The following HPGDS variants were observed in gnomAD, a reference collection of about 807,000 sequenced individuals.
HPGDS encodes hematopoietic prostaglandin D synthase, also known as GST class-sigma.
A neutral mutation model predicts 23.1 loss-of-function variants in HPGDS; 26 were observed. The ratio of observed to expected loss-of-function variants is 1.13; its 90% CI spans 0.83 to 1.56. HPGDS has a LOEUF of 1.56. HPGDS is among the 40% of genes most tolerant of loss of function. The pLI is 0.00. For synonymous variants in HPGDS, 95 were observed against 77.9 expected, an observed-to-expected ratio of 1.22 and a Z score of -1.16; for missense variants, 268 against 236.4, an observed-to-expected ratio of 1.13 and a Z score of -0.88.
At chr4:94,334,748 G>T in intron 1 of HPGDS, 110 bp from the exon 2 acceptor site, 1 of 886,912 alleles carries the variant, frequency 1.1e-6, no homozygotes, top group Non-Finnish European at 1.6e-6. Context: ...GATTACTGGA[G>T]ACATTAGAGG....
At chr4:94,307,024 T>C (rs1322263447) in intron 4 of HPGDS, among the ~76,000 whole-genome samples, 1 of 152,068 alleles carries the variant, frequency 6.6e-6, no homozygotes, top group Non-Finnish European at 1.5e-5. Flanking sequence ...GCACGTGTTT[T>C]GTAATCTTTC....
chr4:94,324,483 C>G (rs1169559941), intron 2 of HPGDS, among the ~76,000 whole-genome samples: 6 of 152,034 alleles, frequency 3.9e-5, no homozygotes, highest in Admixed American at 3.9e-4. Flanking sequence ...CTCTAAACTT[C>G]TCTTCTCACT....
chr4:94,338,641 A>G (rs1292827340), intron 1 of HPGDS, among the ~76,000 whole-genome samples: 1 of 152,242 alleles, frequency 6.6e-6, no homozygotes, highest in Non-Finnish European at 1.5e-5. Context: ...AATATAATAC[A>G]TAATGGTGAA....
chr4:94,316,934 C>G (rs1326191989), intron 3 of HPGDS, among the ~76,000 whole-genome samples: 1 of 152,246 alleles, frequency 6.6e-6, no homozygotes, highest in Non-Finnish European at 1.5e-5. Flanking sequence ...ATGTCATTTT[C>G]ACTTTAAAGC....
chr4:94,340,268 T>G (rs1231923801), intron 1 of HPGDS, among the ~76,000 whole-genome samples: 3 of 44,342 alleles, frequency 6.8e-5, no homozygotes, highest in African/African-American at 2.3e-4. Context: ...AACCTTTCTT[T>G]CTTTCTTTCT....
chr4:94,331,678 T>C (rs1437423010), intron 2 of HPGDS, among the ~76,000 whole-genome samples: 1 of 152,150 alleles, frequency 6.6e-6, no homozygotes, highest in Non-Finnish European at 1.5e-5. Flanking sequence ...ATCTCACCAT[T>C]TAGTTTCTAT....
At chr4:94,310,251 T>C (rs1012975855) in intron 3 of HPGDS, among the ~76,000 whole-genome samples, 14 of 152,244 alleles carry the variant, frequency 9.2e-5, no homozygotes, top group Non-Finnish European at 1.9e-4. Flanking sequence ...TTGTAGGGTT[T>C]TTATGGTTTT....
intron 2 of HPGDS, among the ~76,000 whole-genome samples, chr4:94,327,749 G>A (rs1252299140): frequency 6.6e-6 from 1 of 152,124 alleles, no homozygotes; most frequent in East Asian, 1.9e-4. Context: ...CCCAAGGTTT[G>A]GGACACTACA....
At chr4:94,341,803 G>A (rs1721179571) in intron 1 of HPGDS, among the ~76,000 whole-genome samples, 1 of 152,156 alleles carries the variant, frequency 6.6e-6, no homozygotes, top group Admixed American at 6.5e-5. Context: ...CCTAGAGCAT[G>A]TTTACACTCC....
chr4:94,342,636 A>G (rs1721196507), intron 1 of HPGDS, among the ~76,000 whole-genome samples, 159 bp downstream of exon 1: 1 of 152,212 alleles, frequency 6.6e-6, no homozygotes, highest in Non-Finnish European at 1.5e-5. Context: ...GCATATATGG[A>G]GAGGTTCTGG....
intron 2 of HPGDS, among the ~76,000 whole-genome samples, chr4:94,321,105 C>G (rs1378554983): frequency 6.6e-6 from 1 of 152,108 alleles, no homozygotes; most frequent in Non-Finnish European, 1.5e-5. Context: ...GGCCTCTGTT[C>G]TGTTCCATTG....
At chr4:94,322,026 T>G (rs1278349567) in intron 2 of HPGDS, among the ~76,000 whole-genome samples, 2 of 152,204 alleles carry the variant, frequency 1.3e-5, no homozygotes, top group Non-Finnish European at 2.9e-5. Context: ...GACGATCATG[T>G]GGTTTTTGTC....
At chr4:94,306,772 C>G (rs1307282747) in intron 4 of HPGDS, among the ~76,000 whole-genome samples, 1 of 151,918 alleles carries the variant, frequency 6.6e-6, no homozygotes, top group Admixed American at 6.6e-5. Context: ...AAAAGTAATG[C>G]AGAAAAGCCA....
intron 4 of HPGDS, among the ~76,000 whole-genome samples, chr4:94,307,123 A>G (rs1364202589): frequency 6.6e-6 from 1 of 151,924 alleles, no homozygotes; most frequent in Non-Finnish European, 1.5e-5. Context: ...CTAATGAAAA[A>G]CTACTTTCAT....
At chr4:94,339,512 C>T (rs573958328) in intron 1 of HPGDS, among the ~76,000 whole-genome samples, 5 of 152,026 alleles carry the variant, frequency 3.3e-5, no homozygotes, top group South Asian at 2.1e-4. Flanking sequence ...AACACATAAA[C>T]GACTAATAAA....
At chr4:94,315,546 T>C (rs1313753522) in intron 3 of HPGDS, among the ~76,000 whole-genome samples, 1 of 152,168 alleles carries the variant, frequency 6.6e-6, no homozygotes, top group Non-Finnish European at 1.5e-5. Flanking sequence ...TTGGTCTTCC[T>C]AAAAGTTTTC....
chr4:94,299,739 C>A, intron 5 of HPGDS, 95 bp from the exon 6 acceptor site: 1 of 1,139,860 alleles, frequency 8.8e-7, no homozygotes, highest in South Asian at 1.7e-5. Flanking sequence ...CTAAAAGATT[C>A]AAAACAATCT....
chr4:94,335,194 T>C (rs1454137903), intron 1 of HPGDS, among the ~76,000 whole-genome samples: 1 of 152,168 alleles, frequency 6.6e-6, no homozygotes, highest in Non-Finnish European at 1.5e-5. Context: ...AACACTGCTC[T>C]CTGGTTCCCT....
At chr4:94,312,061 C>A (rs1756285943) in intron 3 of HPGDS, among the ~76,000 whole-genome samples, 1 of 152,072 alleles carries the variant, frequency 6.6e-6, no homozygotes, top group African/African-American at 2.4e-5. Context: ...AGCAGTCTAT[C>A]AATTTTGTTG....
Sources: gnomAD v4.1 joint callset for allele counts (sites outside exome capture counted in the v4.1 genomes callset) on GRCh38, gnomAD v4.1.1 for gene constraint, MANE v1.5 for transcripts, NCBI Gene and HGNC (gene_info 2026-07-23, HGNC 2026-07-21) for gene names.